CHRM2: variants seen among roughly 807,000 people sequenced by gnomAD.
The protein encoded by CHRM2 is cholinergic receptor muscarinic 2, also known as muscarinic acetylcholine receptor M2.
In CHRM2, 8 loss-of-function variants were observed where a neutral mutation model predicts 25.0. The ratio of observed to expected loss-of-function variants is 0.32; its 90% CI spans 0.19 to 0.58. The LOEUF (loss-of-function observed/expected upper bound fraction) is 0.58, where lower values mean the gene tolerates loss of function less well. CHRM2 is among the 20% of genes least tolerant of loss of function. The pLI is 0.88. For missense variants in CHRM2, 440 were observed against 567.1 expected (o/e 0.78, Z 2.28); for synonymous variants, 202 against 205.7 (o/e 0.98, Z 0.15).
intron 2 of CHRM2, among the ~76,000 whole-genome samples, chr7:136,990,208 C>T (rs543736938): frequency 6.6e-6 from 1 of 152,132 alleles, no homozygotes; most frequent in African/African-American, 2.4e-5. Context: ...AATGAATATA[C>T]ATTGAACACA....
chr7:136,870,149 G>C (rs1018652927), intron 2 of CHRM2: 1 of 152,392 alleles, frequency 6.6e-6, no homozygotes, highest in Non-Finnish European at 1.5e-5. Flanking sequence ...AAGCTCATGA[G>C]GTACCAGACA....
At chr7:136,897,723 T>C (rs1351378499) in intron 2 of CHRM2, among the ~76,000 whole-genome samples, 1 of 152,088 alleles carries the variant, frequency 6.6e-6, no homozygotes, top group Non-Finnish European at 1.5e-5. Flanking sequence ...ACATGGATTT[T>C]GTGGTATTTC....
At chr7:136,870,009 G>A (rs1795754900) in intron 2 of CHRM2, 1 of 152,520 alleles carries the variant, frequency 6.6e-6, no homozygotes, top group Non-Finnish European at 1.5e-5. Flanking sequence ...GGCCAAGGAG[G>A]AGAAGCAATT....
chr7:136,888,909 G>C (rs903637813), intron 2 of CHRM2, among the ~76,000 whole-genome samples: 2 of 151,728 alleles, frequency 1.3e-5, no homozygotes, highest in South Asian at 4.2e-4. Context: ...TTAGCCGGGC[G>C]TGGTGGCGGG....
chr7:136,911,836 G>T (rs7811061), intron 2 of CHRM2, among the ~76,000 whole-genome samples: 9 of 151,860 alleles, frequency 5.9e-5, no homozygotes, highest in African/African-American at 2.2e-4. Flanking sequence ...GCTTAAGGCA[G>T]CTTATTAGAT....
At chr7:136,927,134 AAT>A (rs1798793221) in intron 2 of CHRM2, among the ~76,000 whole-genome samples, 1 of 152,240 alleles carries the variant, frequency 6.6e-6, no homozygotes, top group African/African-American at 2.4e-5. Context: ...CATAAGCTAT[AAT>A]ATGCAAAGCT....
chr7:136,934,676 G>T (rs145899183), intron 2 of CHRM2, among the ~76,000 whole-genome samples: 1 of 152,012 alleles, frequency 6.6e-6, no homozygotes, highest in African/African-American at 2.4e-5. Flanking sequence ...ATATTGGAAG[G>T]ATAGGGTTTG....
intron 2 of CHRM2, among the ~76,000 whole-genome samples, chr7:136,940,105 T>A (rs1305432656): frequency 6.6e-6 from 1 of 152,214 alleles, no homozygotes; most frequent in Non-Finnish European, 1.5e-5. Flanking sequence ...TAGGTTTAAA[T>A]AATGAGCCAA....
intron 2 of CHRM2, among the ~76,000 whole-genome samples, chr7:136,928,271 A>G (rs1798857377): frequency 6.6e-6 from 1 of 152,212 alleles, no homozygotes; most frequent in Non-Finnish European, 1.5e-5. Flanking sequence ...ATCTTGCACA[A>G]TTTACTTAAC....
chr7:136,973,765 G>T (rs1801936355), intron 2 of CHRM2, among the ~76,000 whole-genome samples: 1 of 151,962 alleles, frequency 6.6e-6, no homozygotes. Flanking sequence ...GGTGAAGATG[G>T]TAATGGAGTT....
At chr7:136,998,110 C>G (rs1035039327) in intron 3 of CHRM2, among the ~76,000 whole-genome samples, 5 of 152,146 alleles carry the variant, frequency 3.3e-5, no homozygotes, top group Non-Finnish European at 2.9e-5. Context: ...CTACAGCTGG[C>G]TTTTAATGAG....
chr7:136,943,222 G>A (rs1799875474), intron 2 of CHRM2, among the ~76,000 whole-genome samples: 1 of 152,128 alleles, frequency 6.6e-6, no homozygotes, highest in Non-Finnish European at 1.5e-5. Context: ...GGTTGTCTTA[G>A]TAATGTCTCT....
chr7:136,912,153 G>C (rs1187771274), intron 2 of CHRM2, among the ~76,000 whole-genome samples: 1 of 151,792 alleles, frequency 6.6e-6, no homozygotes, highest in Non-Finnish European at 1.5e-5. Flanking sequence ...ATAATTGAAA[G>C]TTTCTAACCC....
At chr7:136,989,180 GTATTTC>G (rs984763324) in intron 2 of CHRM2, among the ~76,000 whole-genome samples, 1 of 151,916 alleles carries the variant, frequency 6.6e-6, no homozygotes, top group Non-Finnish European at 1.5e-5. Flanking sequence ...TTTAATATAT[GTATTTC>G]TATATGTTTG....
intron 2 of CHRM2, chr7:136,901,862 T>G (rs999833405): frequency 6.6e-6 from 1 of 151,922 alleles, no homozygotes; most frequent in South Asian, 2.1e-4. Flanking sequence ...CCAAAGACGC[T>G]GTTGGTGGTA....
chr7:136,948,395 A>T (rs984237756), intron 2 of CHRM2, among the ~76,000 whole-genome samples: 1 of 152,216 alleles, frequency 6.6e-6, no homozygotes, highest in Non-Finnish European at 1.5e-5. Flanking sequence ...TCTGATTTAT[A>T]GTAAGTAGGC....
At chr7:136,960,700 C>T (rs1182935844) in intron 2 of CHRM2, among the ~76,000 whole-genome samples, 2 of 152,126 alleles carry the variant, frequency 1.3e-5, no homozygotes, top group South Asian at 2.1e-4. Context: ...AATATTCACA[C>T]TTTTTTTTCT....
intron 3 of CHRM2, among the ~76,000 whole-genome samples, chr7:137,006,541 C>T (rs144770910): frequency 9.2e-4 from 140 of 152,188 alleles, no homozygotes; most frequent in African/African-American, 3.3e-3. Flanking sequence ...CTTGCATAAT[C>T]CTGATCTTTT....
At chr7:136,976,949 GT>G (rs1278031819) in intron 2 of CHRM2, among the ~76,000 whole-genome samples, 2 of 152,168 alleles carry the variant, frequency 1.3e-5, no homozygotes, top group Non-Finnish European at 2.9e-5. Flanking sequence ...TTCTGGAAAT[GT>G]TGCAGTCTAT....
Sources: gnomAD v4.1 joint callset for allele counts (sites outside exome capture counted in the v4.1 genomes callset) on GRCh38, gnomAD v4.1.1 for gene constraint, MANE v1.5 for transcripts, NCBI Gene and HGNC (gene_info 2026-07-23, HGNC 2026-07-21) for gene names.